DDOST: variants seen among roughly 807,000 people sequenced by gnomAD.
DDOST encodes dolichyl-diphosphooligosaccharide--protein glycosyltransferase 48 kDa subunit.
DDOST carries 25 observed loss-of-function variants against 47.6 expected under a neutral mutation model. The observed-to-expected ratio is 0.53, with a 90% CI of 0.38 to 0.73. The LOEUF (loss-of-function observed/expected upper bound fraction) is 0.73, where lower values mean the gene tolerates loss of function less well. Among genes scored for constraint, DDOST ranks in the 30% least tolerant of loss-of-function variants. DDOST has a pLI of 0.00. For synonymous variants in DDOST, 275 were observed against 236.0 expected (o/e 1.17, Z -1.51); for missense variants, 526 against 573.9 (o/e 0.92, Z 0.85).
Position 20,655,476 on chromosome 1 carries a change from T to C in DDOST, c.515A>G (p.Lys172Arg). 3 of 1,614,036 alleles carry C rather than the reference T, an allele frequency of 1.9e-6. No homozygotes were observed. The highest frequency in any genetic ancestry group is 2.5e-6 in the Non-Finnish European group (3 of 1,179,970). The change falls in exon 5 of 11, where the codon AAA (lysine) becomes AGA (arginine). Residue 172 changes from lysine to arginine, a missense_variant. By Grantham distance (26) the Lys-to-Arg change is conservative. Coordinates refer to ENST00000602624, the MANE Select transcript of DDOST (RefSeq NM_005216.5). ...NLLKAPTIVGKSSLNPILFRG... is the reference protein window; with the variant it reads ...NLLKAPTIVGRSSLNPILFRG... ...AAAGAGGATGGGATTTAGAGATGAT[T>C]TCCCAACGATGGTTGGGGCCTTCAG... is the stretch of plus-strand genomic sequence containing the variant.
intron 5 of DDOST, among the ~76,000 whole-genome samples, chr1:20,655,171 GTTTTTTTTTTTTT>G: frequency 1.3e-5 from 1 of 77,240 alleles, no homozygotes; most frequent in East Asian, 3.4e-4. Flanking sequence ...ACTTTTTTTT[GTTTTTTTTTTTTT>G]TTTTTTTTTT....
At position 20,655,774 on chromosome 1, in the gene DDOST, G is replaced by A. The variant is rs763699436; in HGVS notation, c.358C>T (p.Pro120Ser). 6.2e-6 allele frequency: 10 copies of A among 1,613,856 alleles called. No individual in the cohort carries two copies. The East Asian group carries it at 2.0e-4, about 32-fold the overall frequency. ...LVAASSDIGDPLRELGSECGI... is the reference protein window; with the variant it reads ...LVAASSDIGDSLRELGSECGI... ...CACTCACTGCCCAGCTCTCGAAGAGGGTCACCTGCACAGACCGAAGAGACA... is the reference window on the plus strand; with the variant it reads ...CACTCACTGCCCAGCTCTCGAAGAGAGTCACCTGCACAGACCGAAGAGACA... Residue 120 changes from proline to serine, a missense_variant, in exon 4 of 11, where the codon CCT (proline) becomes TCT (serine). Coordinates refer to ENST00000602624, the MANE Select transcript of DDOST (RefSeq NM_005216.5).
At chr1:20,653,809 G>C in intron 7 of DDOST, 35 bp from the exon 8 acceptor site, 3 of 1,600,062 alleles carry the variant, frequency 1.9e-6, no homozygotes, top group Non-Finnish European at 2.6e-6. Context: ...TTGGGCACCA[G>C]AGCCACCTTT....
At chr1:20,657,971 T>C (rs1421130930) in intron 2 of DDOST, among the ~76,000 whole-genome samples, 1 of 104,890 alleles carries the variant, frequency 9.5e-6, no homozygotes, top group African/African-American at 3.5e-5. Context: ...AAGTGGCCAC[T>C]GGCATTAATG....
intron 2 of DDOST, among the ~76,000 whole-genome samples, chr1:20,658,406 G>A (rs776605700): frequency 1.3e-4 from 20 of 152,224 alleles, no homozygotes; most frequent in Non-Finnish European, 2.6e-4. Flanking sequence ...CCCCTACCCC[G>A]AACCCTGCCC....
rs771122583 is a variant in DDOST at position 20,653,679 on chromosome 1, T to C, written c.890A>G (p.His297Arg). 1.2e-6 allele frequency: 2 copies of C among 1,613,884 alleles called. No homozygotes were observed. The highest frequency in any genetic ancestry group is 1.7e-6 in the Non-Finnish European group (2 of 1,179,844). ...GGGTGGGGCTGTCTCGCCCACCCGA[T>C]GATGGGACACAGGCCCCACACGGAG... is the stretch of plus-strand genomic sequence containing the variant. ...GVLRVGPVSH[H>R]RVGETAPPNA... Residue 297 changes from histidine (H) to arginine (R), a missense_variant, in exon 8 of 11, where the codon CAT (histidine) becomes CGT (arginine). Physicochemically the swap from His to Arg is conservative, Grantham distance 29. Transcript: ENST00000602624.
chr1:20,653,007 T>C (rs757955819), intron 8 of DDOST, 36 bp from the exon 9 acceptor site: 4 of 1,612,082 alleles, frequency 2.5e-6, no homozygotes, highest in Non-Finnish European at 2.5e-6. Flanking sequence ...GGGCTGGCCA[T>C]GACTGGAGGC....
intron 3 of DDOST, 120 bp from the exon 4 acceptor site, chr1:20,655,899 G>A (rs1292064362): frequency 1.1e-6 from 1 of 915,362 alleles, no homozygotes; most frequent in African/African-American, 1.6e-5. Flanking sequence ...TCATCCAGCT[G>A]GGCTCAGCCC....
intron 3 of DDOST, 118 bp from the exon 4 acceptor site, chr1:20,655,897 C>G: frequency 1.1e-6 from 1 of 920,928 alleles, no homozygotes; most frequent in Non-Finnish European, 1.7e-6. Context: ...CTTCATCCAG[C>G]TGGGCTCAGC....
rs2154534274 is a variant in DDOST at position 20,655,433 on chromosome 1, C to T, written c.551+7G>A. 3 of 1,608,050 alleles carry T rather than the reference C, an allele frequency of 1.9e-6. No individual in the cohort carries two copies. The highest frequency in any genetic ancestry group is 2.2e-5 in the East Asian group (1 of 44,788). On this transcript the variant is annotated splice_region_variant and intron_variant, in intron 5 of 10. Transcript: ENST00000602624. ...TTCTGCTGTCCTCTCCCTGCTCACT[C>T]ACTCACCCAACACCTCGAAAGAGGA...
Position 20,652,969 on chromosome 1 carries a change from C to T in DDOST, c.945G>A (p.Glu315=). Residue 315 remains glutamate (E), a splice_region_variant and synonymous_variant, in exon 9 of 11, where the codon GAG becomes GAA. Transcript: ENST00000602624. ...AGAGCTGCTGGATCACGATGCTATA[C>T]TCCTGAGATAAAAGGCCAGGTTAGC... ...PNAYTVTDLV[E]YSIVIQQLSN... is the part of the protein sequence containing the mutation. 1 of 1,614,224 alleles carries T rather than the reference C, an allele frequency of 6.2e-7. No individual in the cohort carries two copies. The highest frequency in any genetic ancestry group is 8.5e-7 in the Non-Finnish European group (1 of 1,180,038).
Position 20,656,134 on chromosome 1 carries a change from C to G in DDOST, c.319G>C (p.Gly107Arg). The G allele has an allele frequency of 6.2e-7, 1 of 1,614,206 alleles. No individual in the cohort carries two copies. The highest frequency in any genetic ancestry group is 1.3e-5 in the African/African-American group (1 of 75,064). ...GAGCTGGCAGCTACCAGCACACTGCCTCCGCCGTCAATAAAGGCACTGATG... is the reference window on the plus strand; with the variant it reads ...GAGCTGGCAGCTACCAGCACACTGCGTCCGCCGTCAATAAAGGCACTGATG... ...ETISAFIDGG[G>R]SVLVAASSDI... The change falls in exon 3 of 11, where the codon GGC (glycine) becomes CGC (arginine). Residue 107 changes from glycine (G) to arginine (R), a missense_variant. Transcript: ENST00000602624.
rs764857520 is a variant in DDOST, at chr1:20,656,104, T to C, written c.349A>G (p.Ile117Val). ...GAACCTCCCAGGTCGGACTCACCAA[T>C]GTCGGAGCTGGCAGCTACCAGCACA... ...GSVLVAASSD[I>V]GDPLRELGSE... is the part of the protein sequence containing the mutation. Residue 117 changes from isoleucine (I) to valine (V), a missense_variant, in exon 3 of 11, where the codon ATT becomes GTT. Transcript: ENST00000602624. 2.5e-6 allele frequency: 4 copies of C among 1,613,538 alleles called. No homozygotes were observed. In the Admixed American group the frequency reaches 5.0e-5, roughly 20 times the overall value.
In DDOST at chr1:20,661,178, C is replaced by A. The variant is rs200373074; in HGVS notation, c.154+19G>T. ...AACCCCAGGCCCCCACACGCTACCCCCTCGGACCCCGCTCTCACCCTTCAG... is the reference window on the plus strand; with the variant it reads ...AACCCCAGGCCCCCACACGCTACCCACTCGGACCCCGCTCTCACCCTTCAG... On this transcript the variant is annotated intron_variant, in intron 1 of 10. Coordinates refer to ENST00000602624, the MANE Select transcript of DDOST (RefSeq NM_005216.5). The A allele has an allele frequency of 3.1e-6, 5 of 1,611,840 alleles. No homozygotes were observed. Among genetic ancestry groups the A allele is most frequent in the Admixed American group, 1.7e-5 (1 of 59,962 alleles).
In DDOST at chr1:20,660,865, G is replaced by T; in HGVS notation, c.265+16C>A. ...GGTCTCGAATTCCAGTGCTAGGGGC[G>T]ACGCGGAACCCTTACCTTCTACCGA... On this transcript the variant is annotated intron_variant, in intron 2 of 10. Coordinates refer to ENST00000602624, the MANE Select transcript of DDOST (RefSeq NM_005216.5). The T allele has an allele frequency of 6.7e-7, 1 of 1,499,316 alleles. No individual in the cohort carries two copies. The highest frequency in any genetic ancestry group is 1.1e-5 in the South Asian group (1 of 88,252). 92.9% of individuals were successfully genotyped at this position (1,499,316 alleles called of 1,614,324 possible).
chr1:20,651,916 C>T lies in DDOST; in HGVS notation c.*463G>A. The stretch of plus-strand genomic sequence containing the variant: ...TCTCAGCTCACTGCAAGCTCTGCCT[C>T]TTGGATTCATGCCTTTCTCCTGCCT... On this transcript the variant is annotated 3_prime_UTR_variant, in exon 11 of 11. Transcript: ENST00000602624. 1 of 155,416 alleles carries T rather than the reference C, an allele frequency of 6.4e-6. No homozygotes were observed. Among genetic ancestry groups the T allele is most frequent in the Non-Finnish European group, 1.4e-5 (1 of 70,372 alleles). 9.6% of individuals were successfully genotyped at this position (155,416 alleles called of 1,614,324 possible).
chr1:20,661,088 C>A (rs567066796), intron 1 of DDOST, 97 bp from the exon 2 acceptor site: 3 of 1,487,162 alleles, frequency 2.0e-6, no homozygotes, highest in East Asian at 2.3e-5. Context: ...GCAGGCCAGA[C>A]CCGGGCGGCC....
chr1:20,656,068 G>A (rs572571148), intron 3 of DDOST, 33 bp downstream of exon 3: 3 of 1,568,144 alleles, frequency 1.9e-6, no homozygotes, highest in Non-Finnish European at 2.6e-6. Context: ...CTGGAGAAGT[G>A]GAAAGCACCA....
rs754561384 is a variant in DDOST, at chr1:20,653,730, C to T, written c.839G>A (p.Arg280His). Residue 280 changes from arginine to histidine, a missense_variant, in exon 8 of 11, where the codon CGC (arginine) becomes CAC (histidine). Physicochemically the swap from Arg to His is conservative, Grantham distance 29. Coordinates refer to ENST00000602624, the MANE Select transcript of DDOST (RefSeq NM_005216.5). ...GNYELAVALS[R>H]WVFKEEGVLR... ...GACACCCTCCTCCTTGAACACCCAG[C>T]GGGAGAGGGCCACAGCTAGTTCATA... is the stretch of plus-strand genomic sequence containing the variant. The T allele has an allele frequency of 1.6e-5, 26 of 1,613,996 alleles. No individual in the cohort carries two copies. The highest frequency in any genetic ancestry group is 1.0e-4 in the Admixed American group (6 of 59,992).
Sources: gnomAD v4.1 joint callset for allele counts (sites outside exome capture counted in the v4.1 genomes callset) on GRCh38, gnomAD v4.1.1 for gene constraint, MANE v1.5 for transcripts, NCBI Gene and HGNC (gene_info 2026-07-23, HGNC 2026-07-21) for gene names.